EYS: variants seen among roughly 807,000 people sequenced by gnomAD.
EYS encodes EGF-like photoreceptor maintenance factor, also known as protein eyes shut homolog.
In EYS, 250 loss-of-function variants were observed where a neutral mutation model predicts 282.1. The ratio of observed to expected loss-of-function variants is 0.89; its 90% CI spans 0.80 to 0.98. EYS has a LOEUF of 0.98. Among genes scored for constraint, EYS ranks in the 50% least tolerant of loss-of-function variants. The pLI is 0.00. For missense variants in EYS, 4,016 were observed against 3,709.0 expected (o/e 1.08, Z -2.15); for synonymous variants, 1,355 against 1,282.9 (o/e 1.06, Z -1.20).
chr6:64,723,143 A>G (rs1771641509), intron 22 of EYS, among the ~76,000 whole-genome samples: 1 of 152,074 alleles, frequency 6.6e-6, no homozygotes, highest in African/African-American at 2.4e-5. Context: ...CAGAGTGGAC[A>G]CATCGAGGCA....
chr6:64,941,376 C>T (rs377315652), intron 15 of EYS, among the ~76,000 whole-genome samples: 8 of 151,184 alleles, frequency 5.3e-5, no homozygotes, highest in Admixed American at 1.3e-4. Context: ...TGAGAGTCTG[C>T]CTCAAAAAAA....
At chr6:64,636,115 A>G (rs888496173) in intron 22 of EYS, among the ~76,000 whole-genome samples, 1 of 152,210 alleles carries the variant, frequency 6.6e-6, no homozygotes, top group Non-Finnish European at 1.5e-5. Context: ...GAACCAAAAA[A>G]GAGCCTGCAT....
intron 22 of EYS, among the ~76,000 whole-genome samples, chr6:64,704,971 TA>T (rs1770949466): frequency 6.6e-6 from 1 of 152,016 alleles, no homozygotes; most frequent in Non-Finnish European, 1.5e-5. Flanking sequence ...CTGGAAGTCC[TA>T]GCCAGAGCAA....
chr6:65,323,452 G>C (rs535321009), intron 11 of EYS, among the ~76,000 whole-genome samples: 1 of 152,078 alleles, frequency 6.6e-6, no homozygotes, highest in African/African-American at 2.4e-5. Flanking sequence ...CTTACATCTC[G>C]GTCTTTGAGC....
At chr6:65,561,814 T>C (rs1027548387) in intron 2 of EYS, among the ~76,000 whole-genome samples, 2 of 151,926 alleles carry the variant, frequency 1.3e-5, no homozygotes, top group African/African-American at 4.8e-5. Context: ...CATGTTATTA[T>C]AACCTTGAAA....
chr6:64,489,378 CAT>C (rs373744778), intron 26 of EYS, among the ~76,000 whole-genome samples: 30 of 150,436 alleles, frequency 2.0e-4, no homozygotes, highest in East Asian at 3.9e-4. Context: ...TTTGTATACA[CAT>C]GTGTACTTGT....
chr6:64,662,157 C>T (rs893808002), intron 22 of EYS, among the ~76,000 whole-genome samples: 2 of 146,086 alleles, frequency 1.4e-5, no homozygotes, highest in African/African-American at 5.1e-5. Context: ...ACCACATGTT[C>T]TCACTCATAG....
chr6:65,649,930 T>TA (rs201070330), intron 1 of EYS, among the ~76,000 whole-genome samples: 2 of 152,154 alleles, frequency 1.3e-5, no homozygotes, highest in African/African-American at 4.8e-5. Flanking sequence ...AAAATTTCAT[T>TA]AAAAATGCAT....
chr6:65,194,769 A>C (rs1207190577), intron 12 of EYS, among the ~76,000 whole-genome samples: 1 of 151,884 alleles, frequency 6.6e-6, no homozygotes, highest in Non-Finnish European at 1.5e-5. Context: ...GAGGAGAACA[A>C]GTGACCCGGG....
chr6:64,737,454 T>C (rs1772220476), intron 22 of EYS, among the ~76,000 whole-genome samples: 1 of 152,196 alleles, frequency 6.6e-6, no homozygotes, highest in Admixed American at 6.5e-5. Context: ...CCAATGATCA[T>C]TGCAAAACAT....
At chr6:64,668,001 G>A (rs1292470608) in intron 22 of EYS, among the ~76,000 whole-genome samples, 1 of 152,156 alleles carries the variant, frequency 6.6e-6, no homozygotes, top group African/African-American at 2.4e-5. Flanking sequence ...CATTCAGTGA[G>A]TCTACAGTTG....
At chr6:65,081,801 T>A (rs1774236867) in intron 12 of EYS, among the ~76,000 whole-genome samples, 1 of 152,048 alleles carries the variant, frequency 6.6e-6, no homozygotes. Context: ...TAAGACTTCT[T>A]GTAACAAGAA....
chr6:63,817,258 G>C (rs1771202085), intron 36 of EYS, among the ~76,000 whole-genome samples: 1 of 152,206 alleles, frequency 6.6e-6, no homozygotes. Context: ...TAATTATGAA[G>C]GGAGAGCAAA....
chr6:65,361,476 C>T (rs1476432112), intron 8 of EYS, among the ~76,000 whole-genome samples: 3 of 127,422 alleles, frequency 2.4e-5, no homozygotes, highest in South Asian at 2.8e-4. Flanking sequence ...TTCCTTCTTT[C>T]GTTCGTTCGT....
At chr6:65,521,284 G>A (rs1014104159) in intron 2 of EYS, among the ~76,000 whole-genome samples, 10 of 151,990 alleles carry the variant, frequency 6.6e-5, no homozygotes, top group African/African-American at 2.4e-4. Flanking sequence ...AAAAACCCTG[G>A]GGGAAGAAAT....
At chr6:63,940,353 C>G (rs189011030) in intron 35 of EYS, among the ~76,000 whole-genome samples, 1 of 152,110 alleles carries the variant, frequency 6.6e-6, no homozygotes, top group Admixed American at 6.5e-5. Flanking sequence ...GAAGCTGTTG[C>G]TGCAGCTAGG....
rs1250547604 is a variant in EYS at position 64,580,390 on chromosome 6, T to A, written c.5644+9833A>T. Among the ~76,000 whole-genome samples, 5 of 152,090 alleles carry A rather than the reference T, an allele frequency of 3.3e-5. No individual in the cohort carries two copies. The East Asian group carries it at 9.7e-4, about 29-fold the overall frequency. ...ATCTTCAAGGTTTTTTTCACAGAAG[T>A]CTTCCAATAGGCAGTGGCATTTGAA... On this transcript the variant is annotated intron_variant, in intron 26 of 42. Coordinates refer to ENST00000503581, the MANE Select transcript of EYS (RefSeq NM_001142800.2).
chr6:64,626,758 T>C (rs1435471611), intron 22 of EYS, among the ~76,000 whole-genome samples: 1 of 152,186 alleles, frequency 6.6e-6, no homozygotes, highest in Non-Finnish European at 1.5e-5. Context: ...TATGAACAAA[T>C]AAATTTCTGT....
intron 24 of EYS, among the ~76,000 whole-genome samples, chr6:64,594,905 A>G (rs1766532806): frequency 6.6e-6 from 1 of 152,020 alleles, no homozygotes; most frequent in Admixed American, 6.6e-5. Context: ...TTCTCAAGCT[A>G]TTACAAAACA....
Sources: allele counts gnomAD v4.1 joint callset (sites outside exome capture counted in the v4.1 genomes callset), GRCh38; gene constraint gnomAD v4.1.1; transcripts MANE v1.5; gene names NCBI Gene and HGNC (gene_info 2026-07-23, HGNC 2026-07-21).